XKR4: variants seen among roughly 807,000 people sequenced by gnomAD.
The protein encoded by XKR4 is XK-related protein 4.
A neutral mutation model predicts 53.9 loss-of-function variants in XKR4; 12 were observed. That is an observed-to-expected ratio of 0.22 (90% confidence interval 0.14 to 0.36). XKR4 has a LOEUF of 0.36. Among genes scored for constraint, XKR4 ranks in the 10% least tolerant of loss-of-function variants. The pLI, the probability that XKR4 is intolerant of heterozygous loss-of-function variation, is 1.00. For synonymous variants in XKR4, 354 were observed against 362.4 expected (o/e 0.98, Z 0.26); for missense variants, 799 against 859.5 (o/e 0.93, Z 0.88).
chr8:55,241,274 A>G (rs1028813406), intron 1 of XKR4, among the ~76,000 whole-genome samples: 1 of 152,160 alleles, frequency 6.6e-6, no homozygotes, highest in Non-Finnish European at 1.5e-5. Context: ...CTCTTCCCTC[A>G]TAGATCCCTA....
chr8:55,199,476 T>C (rs541829102), intron 1 of XKR4, among the ~76,000 whole-genome samples: 88 of 152,360 alleles, frequency 5.8e-4, no homozygotes, highest in African/African-American at 1.9e-3. Flanking sequence ...TAATTCTGCA[T>C]ATGGTTATTT....
At chr8:55,123,860 A>G (rs1472616039) in intron 1 of XKR4, among the ~76,000 whole-genome samples, 1 of 152,160 alleles carries the variant, frequency 6.6e-6, no homozygotes, top group Non-Finnish European at 1.5e-5. Flanking sequence ...AATTTGCACC[A>G]TTTTTTTAGA....
At chr8:55,511,128 A>T (rs1028078933) in intron 2 of XKR4, among the ~76,000 whole-genome samples, 1 of 152,170 alleles carries the variant, frequency 6.6e-6, no homozygotes, top group African/African-American at 2.4e-5. Context: ...GAAGCAACCC[A>T]GGGGGTGGGA....
intron 2 of XKR4, chr8:55,517,859 A>T (rs1013707261): frequency 7.2e-5 from 11 of 152,074 alleles, no homozygotes; most frequent in African/African-American, 2.7e-4. Context: ...TTGTTGTTTT[A>T]TTCTCTCTGC....
chr8:55,437,771 G>C (rs1050887820), intron 2 of XKR4, among the ~76,000 whole-genome samples: 1 of 152,144 alleles, frequency 6.6e-6, no homozygotes, highest in Non-Finnish European at 1.5e-5. Context: ...TGGTGATTTA[G>C]ATATGTGAAC....
At chr8:55,165,003 C>T (rs187115939) in intron 1 of XKR4, among the ~76,000 whole-genome samples, 12 of 152,164 alleles carry the variant, frequency 7.9e-5, no homozygotes, top group Admixed American at 2.6e-4. Context: ...TATCAAAAGG[C>T]GAAATCTACA....
intron 2 of XKR4, among the ~76,000 whole-genome samples, chr8:55,415,992 T>C (rs1204102093): frequency 1.3e-5 from 2 of 152,180 alleles, no homozygotes; most frequent in African/African-American, 4.8e-5. Context: ...TTGAAGCTAC[T>C]GCAGTAGAAG....
intron 2 of XKR4, chr8:55,452,829 T>C (rs1369686724): frequency 2.2e-5 from 17 of 769,114 alleles, no homozygotes; most frequent in African/African-American, 3.4e-5. Context: ...GCTCTCCAGG[T>C]CACCCAGCTC....
intron 1 of XKR4, among the ~76,000 whole-genome samples, chr8:55,295,010 C>G (rs1819082299): frequency 6.6e-6 from 1 of 152,142 alleles, no homozygotes; most frequent in African/African-American, 2.4e-5. Flanking sequence ...TGTTCTTTCT[C>G]CATGCCAAAT....
chr8:55,469,642 A>T (rs901028803), intron 2 of XKR4, among the ~76,000 whole-genome samples: 2 of 152,164 alleles, frequency 1.3e-5, no homozygotes, highest in East Asian at 3.8e-4. Context: ...AACTTAAAAA[A>T]AATTAAAAAT....
intron 2 of XKR4, among the ~76,000 whole-genome samples, chr8:55,522,038 A>G (rs1806805001): frequency 6.6e-6 from 1 of 152,204 alleles, no homozygotes; most frequent in Non-Finnish European, 1.5e-5. Context: ...TAGGGAAGCC[A>G]GCTGCGATGC....
chr8:55,180,190 A>G (rs771891087), intron 1 of XKR4, among the ~76,000 whole-genome samples: 10 of 152,246 alleles, frequency 6.6e-5, no homozygotes, highest in East Asian at 1.9e-4. Flanking sequence ...ATGACCATCA[A>G]TAGCAGCACA....
rs1029735408 is a variant in XKR4 at position 55,359,119 on chromosome 8, C to A, written c.1006+1242C>A. ...TGTATGTTTCTCAATTGCTAGACAG[C>A]AAATTGGAGGAAGAGGAAAGTGGAG... On this transcript the variant is annotated intron_variant, in intron 2 of 2. Transcript: ENST00000327381. 3.3e-5 allele frequency among the ~76,000 whole-genome samples: 5 copies of A among 152,180 alleles called. No homozygotes were observed. In the South Asian group the frequency reaches 8.3e-4, roughly 25 times the overall value.
chr8:55,265,739 G>C (rs573587086), intron 1 of XKR4, among the ~76,000 whole-genome samples: 2 of 152,002 alleles, frequency 1.3e-5, no homozygotes, highest in African/African-American at 4.8e-5. Context: ...CAGCATTTTG[G>C]GGGGGTCAAG....
chr8:55,126,976 G>T (rs138698383), intron 1 of XKR4, among the ~76,000 whole-genome samples: 1 of 152,254 alleles, frequency 6.6e-6, no homozygotes, highest in African/African-American at 2.4e-5. Flanking sequence ...AACAGGATGT[G>T]GTTTCTGACC....
At chr8:55,503,006 C>A (rs1806467697) in intron 2 of XKR4, among the ~76,000 whole-genome samples, 1 of 152,092 alleles carries the variant, frequency 6.6e-6, no homozygotes, top group South Asian at 2.1e-4. Context: ...AATCGTTTGA[C>A]CATCTATGTG....
intron 1 of XKR4, among the ~76,000 whole-genome samples, chr8:55,205,894 G>A (rs1024869286): frequency 3.3e-5 from 5 of 152,174 alleles, no homozygotes; most frequent in African/African-American, 1.2e-4. Flanking sequence ...TGTGTCCAGA[G>A]TTTGTTCCTT....
chr8:55,313,731 C>T (rs1819419262), intron 1 of XKR4, among the ~76,000 whole-genome samples: 1 of 152,212 alleles, frequency 6.6e-6, no homozygotes, highest in South Asian at 2.1e-4. Flanking sequence ...GAGTCACCTG[C>T]TGCCTCCAGT....
intron 2 of XKR4, among the ~76,000 whole-genome samples, chr8:55,389,844 GAA>G (rs1407952044): frequency 6.6e-6 from 1 of 152,128 alleles, no homozygotes; most frequent in Non-Finnish European, 1.5e-5. Flanking sequence ...CAGGTACTTG[GAA>G]ACACATCCGT....
Sources: gnomAD v4.1 joint callset for allele counts (sites outside exome capture counted in the v4.1 genomes callset) on GRCh38, gnomAD v4.1.1 for gene constraint, MANE v1.5 for transcripts, NCBI Gene and HGNC (gene_info 2026-07-23, HGNC 2026-07-21) for gene names.